Variants in PPFIBP2 observed in about 807,000 individuals in gnomAD.
PPFIBP2 encodes the protein liprin-beta-2.
In PPFIBP2, 118 loss-of-function variants were observed where a neutral mutation model predicts 118.3. The observed-to-expected ratio is 1.00, with a 90% CI of 0.86 to 1.16. The LOEUF is 1.16. Among genes scored for constraint, PPFIBP2 ranks in the 50% most tolerant of loss-of-function variants. PPFIBP2 has a pLI of 0.00. For missense variants in PPFIBP2, 1,195 were observed against 1,073.1 expected (o/e 1.11, Z -1.59); for synonymous variants, 414 against 397.4 (o/e 1.04, Z -0.50).
intron 5 of PPFIBP2, among the ~76,000 whole-genome samples, chr11:7,607,117 C>A (rs568429467): frequency 6.7e-6 from 1 of 149,880 alleles, no homozygotes; most frequent in African/African-American, 2.5e-5. Flanking sequence ...TCACCATGTT[C>A]GTCAGGATGG....
chr11:7,666,082 GGT>G, the PPFIBP2 span: 1 of 653,242 alleles, frequency 1.5e-6, no homozygotes, highest in African/African-American at 1.8e-5. Context: ...GGCGGTAAGG[GGT>G]GTGGTGGCCG....
chr11:7,570,978 G>A (rs1301626957), intron 3 of PPFIBP2, among the ~76,000 whole-genome samples: 30 of 152,172 alleles, frequency 2.0e-4, no homozygotes. Flanking sequence ...GACCTCTTGG[G>A]TTCCAAAGTG....
downstream of PPFIBP2, among the ~76,000 whole-genome samples, chr11:7,660,146 C>T (rs1160442117): frequency 7.8e-6 from 1 of 127,404 alleles, no homozygotes; most frequent in Non-Finnish European, 1.9e-5. Flanking sequence ...TTATTTCCTT[C>T]TCCTGCCTAA....
intron 14 of PPFIBP2, among the ~76,000 whole-genome samples, chr11:7,636,672 G>A (rs1025488137): frequency 4.6e-5 from 7 of 152,130 alleles, no homozygotes; most frequent in Non-Finnish European, 1.0e-4. Context: ...CAGCTCACAG[G>A]CTCAAGGTTT....
At chr11:7,550,195 G>A (rs11041441) in intron 2 of PPFIBP2, among the ~76,000 whole-genome samples, 9,000 of 152,246 alleles carry the variant, frequency 0.059, 351 homozygotes, top group South Asian at 0.15. Flanking sequence ...TAGACCAAAC[G>A]TTTTGTTGGA....
chr11:7,579,220 GTATTAGTGTCATAGC>G (rs1212012737), intron 3 of PPFIBP2, among the ~76,000 whole-genome samples: 1 of 152,196 alleles, frequency 6.6e-6, no homozygotes, highest in African/African-American at 2.4e-5. Flanking sequence ...GAACCTCATG[GTATTAGTGTCATAGC>G]TATTAGTGGT....
At position 7,571,856 on chromosome 11, in the gene PPFIBP2, G is replaced by C. The variant is rs553614144; in HGVS notation, c.279+6089G>C. 3.9e-5 allele frequency: 6 copies of C among 152,336 alleles called. No homozygotes were observed. In the South Asian group the frequency reaches 6.2e-4, roughly 16 times the overall value. The allele number at this position is 152,336 out of a possible 1,614,324, so 9.4% of individuals were successfully genotyped here. On this transcript the variant is annotated intron_variant, in intron 3 of 23. Transcript: ENST00000299492. ...AGTGCTGGAAGAAGCCACTAGGTGG[G>C]AGTCAGGGACAAATGCTGGGAAGTG...
chr11:7,613,143 C>T (rs56688375), intron 6 of PPFIBP2, among the ~76,000 whole-genome samples: 1,597 of 152,140 alleles, frequency 0.01, 43 homozygotes, highest in African/African-American at 0.037. Context: ...TACAGTTTCT[C>T]AGCTTAGCTC....
chr11:7,573,385 C>G (rs1477542366), intron 3 of PPFIBP2, among the ~76,000 whole-genome samples: 2 of 152,186 alleles, frequency 1.3e-5, no homozygotes, highest in Non-Finnish European at 2.9e-5. Context: ...GAAGAAAAAT[C>G]ACAAGAATGT....
the PPFIBP2 span, among the ~76,000 whole-genome samples, chr11:7,664,582 C>T: frequency 6.6e-6 from 1 of 152,128 alleles, no homozygotes; most frequent in Non-Finnish European, 1.5e-5. Flanking sequence ...GCAAAATCAC[C>T]CTCAGTTGAG....
At chr11:7,544,087 C>T (rs1182920128) in intron 1 of PPFIBP2, among the ~76,000 whole-genome samples, 1 of 152,134 alleles carries the variant, frequency 6.6e-6, no homozygotes, top group Non-Finnish European at 1.5e-5. Flanking sequence ...AGATGCTGTC[C>T]CAGATAGGAA....
chr11:7,641,196 A>C (rs1365663886), intron 15 of PPFIBP2: 1 of 877,542 alleles, frequency 1.1e-6, no homozygotes, highest in Non-Finnish European at 1.6e-6. Context: ...CTGAGGAAAA[A>C]GAAGCTGCTT....
downstream of PPFIBP2, chr11:7,653,772 T>C (rs560712948): frequency 6.7e-6 from 8 of 1,195,830 alleles, no homozygotes; most frequent in African/African-American, 9.8e-5. Context: ...CAGCTCACCA[T>C]ATCTTTAACT....
chr11:7,625,896 C>A lies in PPFIBP2; in HGVS notation c.826+5C>A. The A allele has an allele frequency of 6.2e-7, 1 of 1,612,282 alleles. No homozygotes were observed. Among genetic ancestry groups the A allele is most frequent in the Non-Finnish European group, 8.5e-7 (1 of 1,178,430 alleles). ...GTGAGAGTCACACAGAGAGAGGTGA[C>A]TAGCTTGACTCTGACAAAATGCAGT... On this transcript the variant is annotated splice_donor_5th_base_variant and intron_variant, in intron 8 of 23. Transcript: ENST00000299492.
chr11:7,536,266 G>A lies in PPFIBP2; in HGVS notation c.-36-13174G>A, dbSNP rs560169944. ...AAGGAAATGGGAACACAAGCGGCTG[G>A]CTGGATGAGAGCATGGCACGGGTGC... On this transcript the variant is annotated intron_variant, in intron 1 of 23. Coordinates refer to ENST00000299492, the MANE Select transcript of PPFIBP2 (RefSeq NM_003621.5). Among the ~76,000 whole-genome samples the A allele has an allele frequency of 2.6e-5, 4 of 152,274 alleles. No individual in the cohort carries two copies. The South Asian group carries it at 8.3e-4, about 32-fold the overall frequency.
chr11:7,661,373 A>C (rs1590849439), downstream of PPFIBP2, among the ~76,000 whole-genome samples: 1 of 151,424 alleles, frequency 6.6e-6, no homozygotes, highest in African/African-American at 2.4e-5. Flanking sequence ...GTTTCAAAGA[A>C]CATCTTTATT....
At chr11:7,567,855 A>T (rs952092785) in intron 3 of PPFIBP2, among the ~76,000 whole-genome samples, 41 of 152,222 alleles carry the variant, frequency 2.7e-4, no homozygotes, top group Admixed American at 2.7e-3. Context: ...ATGGGCTCCC[A>T]TCTCACACTT....
intron 3 of PPFIBP2, among the ~76,000 whole-genome samples, chr11:7,583,166 A>G (rs1253605768): frequency 6.6e-6 from 1 of 151,980 alleles, no homozygotes; most frequent in Non-Finnish European, 1.5e-5. Flanking sequence ...TTCCTTCTGT[A>G]ATGTTATTTT....
At position 7,630,907 on chromosome 11, in the gene PPFIBP2, C is replaced by G; in HGVS notation, c.965-18C>G. 1 of 1,579,980 alleles carries G rather than the reference C, an allele frequency of 6.3e-7. No homozygotes were observed. The highest frequency in any genetic ancestry group is 8.7e-7 in the Non-Finnish European group (1 of 1,148,922). On this transcript the variant is annotated intron_variant, in intron 10 of 23. Transcript: ENST00000299492. ...ACATGAATTCAACAATTCAGTCTTA[C>G]TACCTTAATGCTTGCAGGGCCTTCG...
Sources: gnomAD v4.1 joint callset for allele counts (sites outside exome capture counted in the v4.1 genomes callset) on GRCh38, gnomAD v4.1.1 for gene constraint, MANE v1.5 for transcripts, NCBI Gene and HGNC (gene_info 2026-07-23, HGNC 2026-07-21) for gene names.